GRIA2: variants seen among roughly 807,000 people sequenced by gnomAD.
GRIA2 encodes the protein glutamate receptor 2.
A neutral mutation model predicts 97.3 loss-of-function variants in GRIA2; 14 were observed. The observed-to-expected ratio is 0.14, with a 90% CI of 0.10 to 0.23. The LOEUF is 0.23. Among genes scored for constraint, GRIA2 ranks in the 10% least tolerant of loss-of-function variants. The probability of loss-of-function intolerance (pLI) is 1.00; values close to 1 mark genes in which losing one functional copy is unlikely to be tolerated. For missense variants in GRIA2, 558 were observed against 1,069.8 expected (o/e 0.52, Z 6.67); for synonymous variants, 412 against 387.8 (o/e 1.06, Z -0.73).
intron 2 of GRIA2, among the ~76,000 whole-genome samples, chr4:157,230,180 C>T (rs916939927): frequency 5.9e-5 from 9 of 152,126 alleles, no homozygotes; most frequent in African/African-American, 1.9e-4. Context: ...TATCAAAATA[C>T]CGTTCTGTTT....
intron 12 of GRIA2, among the ~76,000 whole-genome samples, chr4:157,344,932 C>A (rs903387261): frequency 6.6e-6 from 1 of 152,022 alleles, no homozygotes; most frequent in Admixed American, 6.6e-5. Flanking sequence ...AGTCTTTTGT[C>A]TCAATGTTAA....
chr4:157,293,367 A>G (rs1287291094), intron 2 of GRIA2, among the ~76,000 whole-genome samples: 1 of 152,150 alleles, frequency 6.6e-6, no homozygotes, highest in African/African-American at 2.4e-5. Flanking sequence ...ATATCATACA[A>G]TGGTTTAAAA....
chr4:157,313,421 CTG>C (rs1734171982), intron 4 of GRIA2, among the ~76,000 whole-genome samples: 1 of 152,028 alleles, frequency 6.6e-6, no homozygotes, highest in Non-Finnish European at 1.5e-5. Context: ...CACATTTGGG[CTG>C]TGTTTGCTAT....
chr4:157,236,093 A>C, intron 2 of GRIA2, among the ~76,000 whole-genome samples: 1 of 152,170 alleles, frequency 6.6e-6, no homozygotes, highest in Non-Finnish European at 1.5e-5. Flanking sequence ...CAGCTTTAAC[A>C]TGTAACAAAA....
intron 12 of GRIA2, among the ~76,000 whole-genome samples, chr4:157,352,417 G>T (rs1366966910): frequency 1.3e-5 from 2 of 151,966 alleles, no homozygotes; most frequent in African/African-American, 4.8e-5. Context: ...ACCATAAACT[G>T]TTAAAAATAC....
intron 2 of GRIA2, among the ~76,000 whole-genome samples, chr4:157,301,696 T>A (rs1000702198): frequency 6.6e-6 from 1 of 152,208 alleles, no homozygotes; most frequent in African/African-American, 2.4e-5. Context: ...ACAGACCATC[T>A]ATTTTTGTGA....
At chr4:157,232,368 T>G (rs1457013653) in intron 2 of GRIA2, among the ~76,000 whole-genome samples, 1 of 152,190 alleles carries the variant, frequency 6.6e-6, no homozygotes, top group Non-Finnish European at 1.5e-5. Context: ...TCTTGAGAAG[T>G]ACATTTCAAA....
intron 3 of GRIA2, among the ~76,000 whole-genome samples, chr4:157,306,946 C>A (rs946860720): frequency 6.6e-6 from 1 of 152,120 alleles, no homozygotes; most frequent in African/African-American, 2.4e-5. Context: ...AAATAGATCC[C>A]ATGGTTTCAT....
intron 2 of GRIA2, among the ~76,000 whole-genome samples, chr4:157,300,674 G>A (rs536400131): frequency 6.6e-6 from 1 of 152,128 alleles, no homozygotes; most frequent in Admixed American, 6.5e-5. Context: ...GGTTGAGGGA[G>A]ACCAAAGAGA....
chr4:157,220,959 T>C lies in GRIA2; in HGVS notation c.-84T>C. ...TGTCTCAAAATGCAGAGGATCTAAT[T>C]TGCAGAGGAAAACAGCCAAAGAAGG... is the stretch of plus-strand genomic sequence containing the variant. On this transcript the variant is annotated 5_prime_UTR_variant, in exon 1 of 16. Transcript: ENST00000264426. 1.3e-6 allele frequency: 1 copy of C among 766,204 alleles called. No homozygotes were observed. The highest frequency in any genetic ancestry group is 1.8e-5 in the Admixed American group (1 of 54,830). 47.5% of individuals were successfully genotyped at this position (766,204 alleles called of 1,614,324 possible). A position where few individuals can be genotyped will look rare whatever the true frequency, so the allele number is the denominator to read the frequency against.
chr4:157,363,850 A>C lies in GRIA2; in HGVS notation c.*419A>C, dbSNP rs374727708. The stretch of plus-strand genomic sequence containing the variant: ...TATAATTTACCTGAAGTCTTTGTAC[A>C]GACAACAAACCTGTTTCTGCAGCCA... On this transcript the variant is annotated 3_prime_UTR_variant, in exon 16 of 16. Coordinates refer to ENST00000264426, the MANE Select transcript of GRIA2 (RefSeq NM_001083619.3). 3.5e-4 allele frequency: 103 copies of C among 294,680 alleles called. 1 individual carries two copies. The East Asian group carries it at 4.8e-3, about 14-fold the overall frequency. 18.3% of individuals were successfully genotyped at this position (294,680 alleles called of 1,614,324 possible).
At chr4:157,266,243 C>G (rs1410991952) in intron 2 of GRIA2, among the ~76,000 whole-genome samples, 1 of 151,992 alleles carries the variant, frequency 6.6e-6, no homozygotes, top group Non-Finnish European at 1.5e-5. Flanking sequence ...GGAGTAAGAT[C>G]TGGGTTGGAG....
At chr4:157,267,040 T>A (rs945696690) in intron 2 of GRIA2, among the ~76,000 whole-genome samples, 4 of 151,804 alleles carry the variant, frequency 2.6e-5, no homozygotes, top group Non-Finnish European at 5.9e-5. Flanking sequence ...ATTGTGTCAC[T>A]GCACTCAAAC....
intron 2 of GRIA2, among the ~76,000 whole-genome samples, chr4:157,223,719 G>T (rs1017179971): frequency 2.0e-5 from 3 of 152,174 alleles, no homozygotes; most frequent in African/African-American, 7.2e-5. Flanking sequence ...CATAGGTTTT[G>T]AATGTGAAGT....
intron 2 of GRIA2, among the ~76,000 whole-genome samples, chr4:157,292,752 T>C (rs1733161640): frequency 6.6e-6 from 1 of 152,102 alleles, no homozygotes; most frequent in African/African-American, 2.4e-5. Context: ...ATTTTCCTGT[T>C]TATCAGTGAG....
chr4:157,313,556 G>A (rs1734179120), intron 4 of GRIA2, among the ~76,000 whole-genome samples: 2 of 151,936 alleles, frequency 1.3e-5, no homozygotes, highest in Admixed American at 1.3e-4. Context: ...TTCAGGGTAG[G>A]GGAGCCATGC....
At chr4:157,299,695 A>C (rs1336833482) in intron 2 of GRIA2, among the ~76,000 whole-genome samples, 1 of 152,166 alleles carries the variant, frequency 6.6e-6, no homozygotes, top group East Asian at 1.9e-4. Context: ...TGAAATAATC[A>C]GCAAATTACT....
At chr4:157,334,292 C>T (rs774921341) in intron 9 of GRIA2, 172 bp downstream of exon 9, 41 of 543,982 alleles carry the variant, frequency 7.5e-5, no homozygotes, top group Admixed American at 1.2e-4. Flanking sequence ...CTAGCTAAAG[C>T]ATTGAAAATG....
In GRIA2 at chr4:157,221,031, C is replaced by T. The variant is rs1433105994; in HGVS notation, c.-12C>T. 2.1e-6 allele frequency: 3 copies of T among 1,452,322 alleles called. No individual in the cohort carries two copies. The highest frequency in any genetic ancestry group is 2.9e-6 in the Non-Finnish European group (3 of 1,032,570). 90.0% of individuals were successfully genotyped at this position (1,452,322 alleles called of 1,614,324 possible). A position where few individuals can be genotyped will look rare whatever the true frequency, so the allele number is the denominator to read the frequency against. ...AAAGGGGTATATTGTGGATGCTCTA[C>T]TTTTCTTGGAAATGCAAAAGATTAT... On this transcript the variant is annotated 5_prime_UTR_variant, in exon 1 of 16. Transcript: ENST00000264426.
Sources: gnomAD v4.1 joint callset for allele counts (sites outside exome capture counted in the v4.1 genomes callset) on GRCh38, gnomAD v4.1.1 for gene constraint, MANE v1.5 for transcripts, NCBI Gene and HGNC (gene_info 2026-07-23, HGNC 2026-07-21) for gene names.